KLF8: variants seen among roughly 807,000 people sequenced by gnomAD.
KLF8 encodes KLF transcription factor 8.
Under a neutral mutation model 18.2 loss-of-function variants are expected in KLF8, and 10 were observed. The observed-to-expected ratio is 0.55, with a 90% CI of 0.34 to 0.93. KLF8 has a LOEUF of 0.93. Among genes scored for constraint, KLF8 ranks in the 40% least tolerant of loss-of-function variants. The pLI is 0.02. For missense variants in KLF8, 264 were observed against 277.9 expected (o/e 0.95, Z 0.36); for synonymous variants, 109 against 97.3 (o/e 1.12, Z -0.71).
chrX:56,189,176 A>G, the KLF8 span, among the ~76,000 whole-genome samples: 1 of 111,989 alleles, frequency 8.9e-6, no homozygotes, highest in Non-Finnish European at 1.9e-5. Flanking sequence ...TTTACAAGAA[A>G]AAAAGCAAAC....
the KLF8 span, among the ~76,000 whole-genome samples, chrX:55,985,931 T>C: frequency 9.0e-6 from 1 of 110,984 alleles, no homozygotes; most frequent in Admixed American, 9.7e-5. Context: ...GGCTCTCTGC[T>C]TGCGTGTTGT....
the KLF8 span, among the ~76,000 whole-genome samples, chrX:56,074,133 T>C: frequency 8.9e-6 from 1 of 112,017 alleles, no homozygotes; most frequent in Non-Finnish European, 1.9e-5. Flanking sequence ...TGGCCTATTA[T>C]TGGTCTGTCT....
chrX:56,156,777 G>A, the KLF8 span, among the ~76,000 whole-genome samples: 2 of 94,751 alleles, frequency 2.1e-5, no homozygotes, highest in African/African-American at 4.1e-5. Flanking sequence ...CCATGTGTTC[G>A]TATTGTTCAA....
chrX:56,165,836 G>A, the KLF8 span, among the ~76,000 whole-genome samples: 9 of 107,993 alleles, frequency 8.3e-5, no homozygotes, highest in African/African-American at 3.1e-4. Context: ...ACTCCAGGCT[G>A]GGTGACAGAG....
the KLF8 span, among the ~76,000 whole-genome samples, chrX:55,958,262 T>C: frequency 2.7e-5 from 3 of 112,228 alleles, no homozygotes; most frequent in African/African-American, 9.7e-5. Flanking sequence ...GCATATTTCA[T>C]TTCAGATGAT....
the KLF8 span, among the ~76,000 whole-genome samples, chrX:56,154,677 A>G: frequency 8.9e-6 from 1 of 111,899 alleles, no homozygotes; most frequent in Non-Finnish European, 1.9e-5. Context: ...AACCTACAGA[A>G]TGGGAGAAAA....
At chrX:56,233,435 A>G in intron 1 of KLF8, 94 bp downstream of exon 1, 1 of 696,732 alleles carries the variant, frequency 1.4e-6, no homozygotes, top group Non-Finnish European at 2.3e-6. Context: ...CACACACCCC[A>G]CTTGGGGTTT....
the KLF8 span, among the ~76,000 whole-genome samples, chrX:56,187,784 C>T: frequency 2.7e-5 from 3 of 110,573 alleles, no homozygotes; most frequent in Admixed American, 2.9e-4. Flanking sequence ...ACATGATTAT[C>T]TCAATAGATG....
the KLF8 span, among the ~76,000 whole-genome samples, chrX:56,131,158 G>C: frequency 0.13 from 14,394 of 111,236 alleles, 1,698 homozygotes; most frequent in African/African-American, 0.38. Flanking sequence ...AAATTTATTA[G>C]AAAAAGATTA....
chrX:55,950,537 T>A, the KLF8 span, among the ~76,000 whole-genome samples: 1 of 111,558 alleles, frequency 9.0e-6, no homozygotes, highest in Non-Finnish European at 1.9e-5. Flanking sequence ...TGAACTTAAA[T>A]CATTGGGGGC....
At chrX:56,214,680 G>A in the KLF8 span, among the ~76,000 whole-genome samples, 2 of 112,341 alleles carry the variant, frequency 1.8e-5, no homozygotes, top group Admixed American at 9.4e-5. Context: ...GACAATAAAT[G>A]TCTGTTGTTT....
chrX:56,013,196 C>T, the KLF8 span, among the ~76,000 whole-genome samples: 4 of 112,815 alleles, frequency 3.5e-5, no homozygotes, highest in Admixed American at 3.7e-4. Context: ...TATTTTGGAA[C>T]TTTAAGGTTT....
chrX:56,012,602 C>T, the KLF8 span, among the ~76,000 whole-genome samples: 4 of 111,322 alleles, frequency 3.6e-5, no homozygotes, highest in Non-Finnish European at 7.5e-5. Flanking sequence ...CCAGAGAAAT[C>T]AGGCAATAGA....
At chrX:56,132,532 T>A in the KLF8 span, among the ~76,000 whole-genome samples, 1 of 110,620 alleles carries the variant, frequency 9.0e-6, no homozygotes, top group Admixed American at 9.7e-5. Context: ...CATAAAAAAA[T>A]CTGAAAGAGC....
chrX:56,092,201 G>T, the KLF8 span, among the ~76,000 whole-genome samples: 1 of 110,996 alleles, frequency 9.0e-6, no homozygotes, highest in African/African-American at 3.3e-5. Flanking sequence ...TGAGTTTCTT[G>T]TAGATTCCAG....
the KLF8 span, among the ~76,000 whole-genome samples, chrX:56,185,433 A>C: frequency 8.9e-6 from 1 of 112,330 alleles, no homozygotes; most frequent in African/African-American, 3.2e-5. Context: ...GAATGGGACC[A>C]AGTTGGAAAA....
At chrX:55,920,434 G>T in the KLF8 span, among the ~76,000 whole-genome samples, 56,667 of 110,670 alleles carry the variant, frequency 0.51, 12,917 homozygotes, top group East Asian at 0.74. Flanking sequence ...TCTTTGAACT[G>T]CGAGAAAAAG....
chrX:56,147,221 G>T, the KLF8 span, among the ~76,000 whole-genome samples: 4 of 112,087 alleles, frequency 3.6e-5, no homozygotes, highest in Non-Finnish European at 7.5e-5. Context: ...CCTAAGGCTT[G>T]GAACTGCTGC....
the KLF8 span, among the ~76,000 whole-genome samples, chrX:56,048,985 T>A: frequency 9.0e-6 from 1 of 111,677 alleles, no homozygotes; most frequent in Non-Finnish European, 1.9e-5. Flanking sequence ...TTCCTTCACA[T>A]CCCTTGTAAG....
Sources: allele counts gnomAD v4.1 joint callset (sites outside exome capture counted in the v4.1 genomes callset), GRCh38; gene constraint gnomAD v4.1.1; transcripts MANE v1.5; gene names NCBI Gene and HGNC (gene_info 2026-07-23, HGNC 2026-07-21).